PCLO: variants seen among roughly 807,000 people sequenced by gnomAD.
PCLO encodes the protein piccolo presynaptic cytomatrix protein, also known as protein piccolo.
Under a neutral mutation model 427.5 loss-of-function variants are expected in PCLO, and 82 were observed. That is an observed-to-expected ratio of 0.19 (90% CI 0.16 to 0.23). PCLO has a LOEUF of 0.23. Ranked by LOEUF, PCLO falls within the 10% of genes least tolerant of loss-of-function variation. The pLI, the probability that PCLO is intolerant of heterozygous loss-of-function variation, is 1.00. For synonymous variants in PCLO, 2,357 were observed against 2,155.4 expected (o/e 1.09, Z -2.59); for missense variants, 6,239 against 6,115.9 (o/e 1.02, Z -0.67).
chr7:82,857,569 A>G (rs1792841083), intron 10 of PCLO, among the ~76,000 whole-genome samples: 1 of 152,078 alleles, frequency 6.6e-6, no homozygotes, highest in Non-Finnish European at 1.5e-5. Context: ...TGCCACCACC[A>G]TCTCCACTGT....
At chr7:82,803,131 A>T (rs1321362529) in intron 21 of PCLO, among the ~76,000 whole-genome samples, 1 of 152,020 alleles carries the variant, frequency 6.6e-6, no homozygotes, top group Non-Finnish European at 1.5e-5. Context: ...GATTCAAGAC[A>T]AGTAGTTAAG....
At chr7:83,116,801 G>A (rs941029875) in intron 3 of PCLO, among the ~76,000 whole-genome samples, 1 of 152,036 alleles carries the variant, frequency 6.6e-6, no homozygotes, top group Non-Finnish European at 1.5e-5. Context: ...AAACATGTCA[G>A]GCCTGGTAAC....
chr7:83,057,932 T>C (rs544456148), intron 3 of PCLO, among the ~76,000 whole-genome samples: 1 of 152,290 alleles, frequency 6.6e-6, no homozygotes, highest in South Asian at 2.1e-4. Context: ...CAGAAAACTT[T>C]ATCCTTAATT....
chr7:83,018,675 T>C (rs960090847), intron 3 of PCLO, among the ~76,000 whole-genome samples: 3 of 152,156 alleles, frequency 2.0e-5, no homozygotes, highest in African/African-American at 7.2e-5. Context: ...ATTTCAGGTA[T>C]AATACCAACT....
chr7:83,121,128 A>AAAACAAAC, intron 3 of PCLO, among the ~76,000 whole-genome samples: 1 of 142,926 alleles, frequency 7.0e-6, no homozygotes, highest in South Asian at 2.2e-4. Context: ...TAAAAATACA[A>AAAACAAAC]AAACAAACAA....
intron 2 of PCLO, among the ~76,000 whole-genome samples, chr7:83,137,267 G>A (rs542261408): frequency 6.6e-6 from 1 of 152,250 alleles, no homozygotes; most frequent in South Asian, 2.1e-4. Context: ...GTATCACAAG[G>A]CTTATTTTGC....
rs142843047 is a variant in PCLO at position 82,885,776 on chromosome 7, A to C, written c.13529-6314T>G. On this transcript the variant is annotated intron_variant, in intron 9 of 24. Coordinates refer to ENST00000333891, the MANE Select transcript of PCLO (RefSeq NM_033026.6). ...ACATTATCTCATTGGATTTTAAAAT[A>C]AAAGAGCAAATGGAAAAAAAAAAAA... Among the ~76,000 whole-genome samples the C allele has an allele frequency of 1.7e-4, 26 of 149,728 alleles. No individual in the cohort carries two copies. The East Asian group carries it at 5.0e-3, about 29-fold the overall frequency.
At chr7:82,965,310 TTC>T (rs1481347500) in intron 4 of PCLO, among the ~76,000 whole-genome samples, 1 of 150,224 alleles carries the variant, frequency 6.7e-6, no homozygotes, top group Non-Finnish European at 1.5e-5. Flanking sequence ...TCTTTTTTCT[TTC>T]TTTCTTTTTT....
intron 9 of PCLO, chr7:82,879,705 A>G (rs1370589978): frequency 4.6e-6 from 2 of 437,862 alleles, no homozygotes; most frequent in Non-Finnish European, 8.2e-6. Flanking sequence ...TTTCTAATTC[A>G]GCCATATTCA....
At chr7:83,158,685 T>C (rs748437387) in intron 1 of PCLO, among the ~76,000 whole-genome samples, 1 of 151,992 alleles carries the variant, frequency 6.6e-6, no homozygotes, top group Non-Finnish European at 1.5e-5. Flanking sequence ...AGAAACAGAA[T>C]TGAAAGCAAG....
intron 20 of PCLO, 24 bp downstream of exon 20, chr7:82,822,470 TG>T (rs1367393192): frequency 6.2e-7 from 1 of 1,613,600 alleles, no homozygotes; most frequent in Non-Finnish European, 8.5e-7. Flanking sequence ...GCTGCCATGC[TG>T]AGGAATTTAT....
intron 22 of PCLO, among the ~76,000 whole-genome samples, chr7:82,792,151 T>G (rs577490056): frequency 2.1e-4 from 32 of 152,240 alleles, no homozygotes; most frequent in African/African-American, 6.0e-4. Flanking sequence ...AAAGAGTACT[T>G]AATTGTAATA....
intron 3 of PCLO, among the ~76,000 whole-genome samples, chr7:82,973,297 G>A (rs918277609): frequency 2.0e-5 from 3 of 152,084 alleles, no homozygotes; most frequent in African/African-American, 4.8e-5. Context: ...AGGCTGTGCA[G>A]CTTCATTCAT....
At chr7:83,004,987 C>A (rs929006697) in intron 3 of PCLO, among the ~76,000 whole-genome samples, 2 of 151,414 alleles carry the variant, frequency 1.3e-5, no homozygotes, top group Admixed American at 6.6e-5. Flanking sequence ...CACCTTACAC[C>A]TGTTAAGAGT....
chr7:83,135,192 T>C lies in PCLO; in HGVS notation c.2358A>G (p.Gln786=), dbSNP rs1345074198. 1 of 1,613,936 alleles carries C rather than the reference T, an allele frequency of 6.2e-7. No individual in the cohort carries two copies. The highest frequency in any genetic ancestry group is 1.1e-5 in the South Asian group (1 of 91,080). ...PDIPSSKVQS[Q]AEEKTTPPLK... is the part of the protein sequence containing the mutation. ...GAGGAGGGGTTGTTTTCTCTTCAGC[T>C]TGTGACTGTACTTTGGAGCTTGGAA... Residue 786 remains glutamine (Q), a synonymous_variant, in exon 3 of 25, where the codon CAA becomes CAG. Transcript: ENST00000333891.
chr7:82,949,381 C>A, intron 6 of PCLO, 95 bp downstream of exon 6: 1 of 898,186 alleles, frequency 1.1e-6, no homozygotes, highest in South Asian at 1.6e-5. Context: ...TATTAGGTTT[C>A]TAAGGTACCA....
At chr7:83,046,123 A>G (rs930679538) in intron 3 of PCLO, among the ~76,000 whole-genome samples, 4 of 151,990 alleles carry the variant, frequency 2.6e-5, no homozygotes, top group Non-Finnish European at 5.9e-5. Context: ...CACTAGTCAT[A>G]TTGGATTAGG....
chr7:82,919,073 C>G (rs1319072334), intron 6 of PCLO, among the ~76,000 whole-genome samples: 1 of 151,914 alleles, frequency 6.6e-6, no homozygotes, highest in Non-Finnish European at 1.5e-5. Context: ...TAGGCTTGCA[C>G]TTCTTGTGTT....
chr7:83,065,498 TAAAA>T (rs780514400), intron 3 of PCLO, among the ~76,000 whole-genome samples: 1 of 104,166 alleles, frequency 9.6e-6, no homozygotes, highest in Non-Finnish European at 2.1e-5. Flanking sequence ...GCTCAAAATG[TAAAA>T]AAAAAAAAAA....
Sources: allele counts gnomAD v4.1 joint callset (sites outside exome capture counted in the v4.1 genomes callset), GRCh38; gene constraint gnomAD v4.1.1; transcripts MANE v1.5; gene names NCBI Gene and HGNC (gene_info 2026-07-23, HGNC 2026-07-21).